Variants in LAX1 observed in about 807,000 individuals in gnomAD.
The protein encoded by LAX1 is lymphocyte transmembrane adaptor 1, also known as lymphocyte transmembrane adapter 1.
Under a neutral mutation model 20.7 loss-of-function variants are expected in LAX1, and 17 were observed. The ratio of observed to expected loss-of-function variants is 0.82; its 90% confidence interval spans 0.56 to 1.23. The LOEUF (loss-of-function observed/expected upper bound fraction) is 1.23, where lower values mean the gene tolerates loss of function less well. Among genes scored for constraint, LAX1 ranks in the 50% most tolerant of loss-of-function variants. The pLI, the probability that LAX1 is intolerant of heterozygous loss-of-function variation, is 0.00. For synonymous variants in LAX1, 165 were observed against 181.0 expected (o/e 0.91, Z 0.71); for missense variants, 470 against 487.0 (o/e 0.97, Z 0.33).
intron 1 of LAX1, among the ~76,000 whole-genome samples, chr1:203,770,314 G>A (rs2102265890): frequency 6.6e-6 from 1 of 150,700 alleles, no homozygotes; most frequent in African/African-American, 2.4e-5. Flanking sequence ...TACTCTGGAG[G>A]CTGAGGCAGG....
intron 1 of LAX1, among the ~76,000 whole-genome samples, 185 bp downstream of exon 1, chr1:203,765,839 G>T (rs530292175): frequency 6.6e-6 from 1 of 152,268 alleles, no homozygotes; most frequent in Non-Finnish European, 1.5e-5. Context: ...GGAAGGTATT[G>T]AGGAAAGAAA....
rs765768867 is a variant in LAX1, at chr1:203,770,938, G to GT, written c.199+2dup. The stretch of plus-strand genomic sequence containing the variant: ...TGGAATTGGAATAAACGGAAGAAGC[G>GT]TGAGTCCCTTGTTTGTCCTGAGTTG... On this transcript the variant is annotated splice_donor_variant, in intron 2 of 4. Transcript: ENST00000442561. LOFTEE classifies it high-confidence loss of function. The GT allele has an allele frequency of 4.7e-5, 76 of 1,605,296 alleles. No homozygotes were observed. The highest frequency in any genetic ancestry group is 5.7e-5 in the Non-Finnish European group (67 of 1,172,012).
rs556537886 is a variant in LAX1, at chr1:203,765,586, C to A, written c.21C>A (p.Thr7=). 1 of 1,614,140 alleles carries A rather than the reference C, an allele frequency of 6.2e-7. No homozygotes were observed. Reference sequence around the variant, plus strand: ...ATACAATGGATGGTGTCACTCCAACCCTTTCGACAATCAGAGGGAGGACCT... The same window carrying A: ...ATACAATGGATGGTGTCACTCCAACACTTTCGACAATCAGAGGGAGGACCT... MDGVTP[T]LSTIRGRTLE... is the part of the protein sequence containing the mutation. The change falls in exon 1 of 5, where the codon ACC becomes ACA. Residue 7 remains threonine, a synonymous_variant. Transcript: ENST00000442561.
At chr1:203,767,750 A>G (rs1241221621) in intron 1 of LAX1, among the ~76,000 whole-genome samples, 2 of 152,194 alleles carry the variant, frequency 1.3e-5, no homozygotes, top group Non-Finnish European at 2.9e-5. Flanking sequence ...CCTACTAAGT[A>G]CCAAGCACTG....
chr1:203,767,952 C>T (rs1295653397), intron 1 of LAX1, among the ~76,000 whole-genome samples: 1 of 147,768 alleles, frequency 6.8e-6, no homozygotes, highest in East Asian at 2.3e-4. Context: ...CATGGAGACC[C>T]TGTCTCAAAA....
chr1:203,773,756 C>CT lies in LAX1; in HGVS notation c.391-91dup, dbSNP rs10714327. 3.2e-4 allele frequency: 65 copies of CT among 200,686 alleles called. 8 individuals carry two copies. Among genetic ancestry groups the CT allele is most frequent in the African/African-American group, 2.8e-3 (43 of 15,292 alleles). The allele number at this position is 200,686 out of a possible 1,614,324, so 12.4% of individuals were successfully genotyped here. A position where few individuals can be genotyped will look rare whatever the true frequency, so the allele number is the denominator to read the frequency against. On this transcript the variant is annotated intron_variant, in intron 4 of 4. Transcript: ENST00000442561. ...TCATCACATTTGCACTGTTGCTCTT[C>CT]TTTTTTTTTTTTTTTTTTTTTTTTT...
intron 4 of LAX1, among the ~76,000 whole-genome samples, chr1:203,773,108 T>A (rs1386726099): frequency 6.6e-6 from 1 of 152,212 alleles, no homozygotes; most frequent in Non-Finnish European, 1.5e-5. Context: ...CTTAAAAACC[T>A]GCTTTGGATA....
In LAX1 at chr1:203,771,405, C is replaced by G. The variant is rs749034768; in HGVS notation, c.238C>G (p.Leu80Val). The G allele has an allele frequency of 1.9e-5, 30 of 1,613,808 alleles. No homozygotes were observed. The highest frequency in any genetic ancestry group is 2.5e-5 in the Non-Finnish European group (30 of 1,179,816). Residue 80 changes from leucine (L) to valine (V), a missense_variant, in exon 3 of 5, where the codon CTG becomes GTG. Transcript: ENST00000442561. ...PYLRVTVMPL[L>V]TLPQTRQRAK... ...CCTCCGAGTTACCGTCATGCCCTTG[C>G]TGACTTTGCCACAAACCAGACAAAG...
chr1:203,765,710 A>G (rs1355778868), intron 1 of LAX1, 56 bp downstream of exon 1: 13 of 1,542,862 alleles, frequency 8.4e-6, no homozygotes, highest in Middle Eastern at 1.7e-4. Context: ...AGAAGGTCCT[A>G]GTCCACCCTT....
chr1:203,770,548 A>G (rs1033422504), intron 1 of LAX1, among the ~76,000 whole-genome samples: 1 of 142,964 alleles, frequency 7.0e-6, no homozygotes, highest in East Asian at 3.2e-4. Flanking sequence ...AAAGAAAGAA[A>G]GAAAGAAAGA....
chr1:203,774,225 A>C lies in LAX1; in HGVS notation c.741A>C (p.Pro247=), dbSNP rs772819577. ...DAGDCTSLYS[P]GAEDSDSLSN... Reference sequence around the variant, plus strand: ...GTGACTGCACCAGTTTGTATTCTCCAGGAGCTGAGGACAGTGATTCACTCA... The same window carrying C: ...GTGACTGCACCAGTTTGTATTCTCCCGGAGCTGAGGACAGTGATTCACTCA... Residue 247 remains proline, a synonymous_variant, in exon 5 of 5, where the codon CCA becomes CCC. Transcript: ENST00000442561. 6 of 1,614,198 alleles carry C rather than the reference A, an allele frequency of 3.7e-6. No homozygotes were observed. In the South Asian group the frequency reaches 6.6e-5, roughly 18 times the overall value.
In LAX1 at chr1:203,765,557, C is replaced by A; in HGVS notation, c.-9C>A. 6.2e-7 allele frequency: 1 copy of A among 1,614,060 alleles called. No homozygotes were observed. The highest frequency in any genetic ancestry group is 1.7e-5 in the Admixed American group (1 of 59,990). ...GAAGCCAGAGAGCATCTCAAAGGTT[C>A]CTGATACAATGGATGGTGTCACTCC... is the stretch of plus-strand genomic sequence containing the variant. On this transcript the variant is annotated 5_prime_UTR_variant, in exon 1 of 5. Transcript: ENST00000442561.
At position 203,775,985 on chromosome 1, in the gene LAX1, T is replaced by C. The variant is rs1397589306; in HGVS notation, c.*1304T>C. The C allele has an allele frequency of 6.6e-6, 1 of 152,046 alleles. No homozygotes were observed. Among genetic ancestry groups the C allele is most frequent in the Non-Finnish European group, 1.5e-5 (1 of 68,036 alleles). 9.4% of individuals were successfully genotyped at this position (152,046 alleles called of 1,614,324 possible). On this transcript the variant is annotated 3_prime_UTR_variant, in exon 5 of 5. Coordinates refer to ENST00000442561, the MANE Select transcript of LAX1 (RefSeq NM_017773.4). Reference sequence around the variant, plus strand: ...GATGGAGCTGTTCTGTATGGTACTGTGTGGTGGATACATGACAATATCCAT... The same window carrying C: ...GATGGAGCTGTTCTGTATGGTACTGCGTGGTGGATACATGACAATATCCAT...
At position 203,770,858 on chromosome 1, in the gene LAX1, C is replaced by T. The variant is rs150803152; in HGVS notation, c.120C>T (p.Ser40=). ...AAGACCAGATCACCAACATCTTTTC[C>T]GGGTTTGCGGGACTCCTCGCCATCC... ...RNKDQITNIF[S]GFAGLLAILL... Residue 40 remains serine, a synonymous_variant, in exon 2 of 5, where the codon TCC becomes TCT. Coordinates refer to ENST00000442561, the MANE Select transcript of LAX1 (RefSeq NM_017773.4). The T allele has an allele frequency of 1.0e-4, 161 of 1,614,114 alleles. No homozygotes were observed. The highest frequency in any genetic ancestry group is 1.3e-4 in the Non-Finnish European group (148 of 1,179,980).
rs1200921518 is a variant in LAX1, at chr1:203,769,397, A to AAAAGAAAG, written c.90-1392_90-1385dup. Among the ~76,000 whole-genome samples the AAAAGAAAG allele has an allele frequency of 5.0e-3, 386 of 76,748 alleles. 7 individuals are homozygous for AAAAGAAAG. The highest frequency in any genetic ancestry group is 0.02 in the African/African-American group (377 of 18,468). 50.3% of individuals were successfully genotyped at this position (76,748 alleles called of 152,430 possible). On this transcript the variant is annotated intron_variant, in intron 1 of 4. Coordinates refer to ENST00000442561, the MANE Select transcript of LAX1 (RefSeq NM_017773.4). The stretch of plus-strand genomic sequence containing the variant: ...ACACAGCGAGACTCTGTCTCAAAAA[A>AAAAGAAAG]AAAGAAAGAAAGAAAGAAAGAAAGA...
rs1047530328 is a variant in LAX1, at chr1:203,776,369, A to C, written c.*1688A>C. ...CTGTCTCAAAAAAAAAAAAAAAAAA[A>C]AAAAACTGTACACTAGACAAAGGGG... On this transcript the variant is annotated 3_prime_UTR_variant, in exon 5 of 5. Transcript: ENST00000442561. 7.2e-6 allele frequency: 1 copy of C among 139,184 alleles called. No individual in the cohort carries two copies. The highest frequency in any genetic ancestry group is 2.3e-4 in the South Asian group (1 of 4,280). The allele number at this position is 139,184 out of a possible 1,614,324, so 8.6% of individuals were successfully genotyped here.
At position 203,765,317 on chromosome 1, in the gene LAX1, A is replaced by T; in HGVS notation, c.-249A>T. Reference sequence around the variant, plus strand: ...AGAGGCCACAGATTCTCCCTGAGCCACCTCACTTGGAAGCACCATGTCCGG... The same window carrying T: ...AGAGGCCACAGATTCTCCCTGAGCCTCCTCACTTGGAAGCACCATGTCCGG... On this transcript the variant is annotated 5_prime_UTR_variant, in exon 1 of 5. Coordinates refer to ENST00000442561, the MANE Select transcript of LAX1 (RefSeq NM_017773.4). The T allele has an allele frequency of 6.5e-7, 1 of 1,549,972 alleles. No individual in the cohort carries two copies. The highest frequency in any genetic ancestry group is 8.7e-7 in the Non-Finnish European group (1 of 1,145,562).
In LAX1 at chr1:203,775,083, G is replaced by A. The variant is rs1667488871; in HGVS notation, c.*402G>A. 5.4e-6 allele frequency: 1 copy of A among 185,524 alleles called. No individual in the cohort carries two copies. The allele number at this position is 185,524 out of a possible 1,614,324, so 11.5% of individuals were successfully genotyped here. A position where few individuals can be genotyped will look rare whatever the true frequency, so the allele number is the denominator to read the frequency against. ...AGGAAGGAAGAAGTTGGAGTGGAGT[G>A]GGGTGGGCAATTTCCATTTTAAAGA... On this transcript the variant is annotated 3_prime_UTR_variant, in exon 5 of 5. Transcript: ENST00000442561.
At chr1:203,767,189 T>G (rs952420287) in intron 1 of LAX1, among the ~76,000 whole-genome samples, 1 of 151,460 alleles carries the variant, frequency 6.6e-6, no homozygotes, top group Non-Finnish European at 1.5e-5. Context: ...ACTATAGGCA[T>G]CATGTTATAC....
Sources: gnomAD v4.1 joint callset for allele counts (sites outside exome capture counted in the v4.1 genomes callset) on GRCh38, gnomAD v4.1.1 for gene constraint, MANE v1.5 for transcripts, NCBI Gene and HGNC (gene_info 2026-07-23, HGNC 2026-07-21) for gene names.